LINGO1: variants seen among roughly 807,000 people sequenced by gnomAD.
LINGO1 encodes the protein leucine rich repeat and Ig domain containing 1, also known as leucine-rich repeat and immunoglobulin-like domain-containing nogo receptor-interacting protein 1.
LINGO1 carries 11 observed loss-of-function variants against 37.3 expected under a neutral mutation model. That is an observed-to-expected ratio of 0.29 (90% CI 0.19 to 0.49). The LOEUF (loss-of-function observed/expected upper bound fraction) is 0.49. Ranked by LOEUF, LINGO1 falls within the 20% of genes least tolerant of loss-of-function variation. The pLI, the probability that LINGO1 is intolerant of heterozygous loss-of-function variation, is 0.99. For missense variants in LINGO1, 585 were observed against 878.2 expected, an observed-to-expected ratio of 0.67 and a Z score of 4.22; for synonymous variants, 387 against 403.0, an observed-to-expected ratio of 0.96 and a Z score of 0.48.
At chr15:77,741,105 G>A (rs2076259574) in intron 1 of LINGO1, among the ~76,000 whole-genome samples, 1 of 152,222 alleles carries the variant, frequency 6.6e-6, no homozygotes, top group Non-Finnish European at 1.5e-5. Flanking sequence ...CCAAACCTAG[G>A]CCAGCGGGGG....
At chr15:77,646,578 A>G in intron 3 of LINGO1, 1 of 371,038 alleles carries the variant, frequency 2.7e-6, no homozygotes, top group Non-Finnish European at 5.4e-6. Flanking sequence ...TCCAAGAGGG[A>G]CAGACCAGGG....
chr15:77,666,317 C>T (rs551597736), intron 3 of LINGO1, among the ~76,000 whole-genome samples: 3 of 152,296 alleles, frequency 2.0e-5, no homozygotes, highest in Admixed American at 1.3e-4. Flanking sequence ...TGGTGGAGGA[C>T]CTGTTGTTAG....
At chr15:77,631,264 C>A (rs1259016106) in intron 1 of LINGO1, among the ~76,000 whole-genome samples, 1 of 152,230 alleles carries the variant, frequency 6.6e-6, no homozygotes, top group Non-Finnish European at 1.5e-5. Context: ...GCTGGGCGAG[C>A]AGGAAGGGGC....
intron 1 of LINGO1, among the ~76,000 whole-genome samples, chr15:77,782,054 G>A (rs1398149404): frequency 6.6e-6 from 1 of 152,216 alleles, no homozygotes; most frequent in South Asian, 2.1e-4. Context: ...GGAGGAAAAC[G>A]AGGAGCAGGT....
chr15:77,717,560 C>T (rs2141304593), intron 2 of LINGO1, among the ~76,000 whole-genome samples: 1 of 151,012 alleles, frequency 6.6e-6, no homozygotes, highest in South Asian at 2.1e-4. Context: ...GCACGTTTCC[C>T]TCTTGGCAGA....
At chr15:77,669,611 C>T (rs1261125123) in intron 3 of LINGO1, among the ~76,000 whole-genome samples, 1 of 152,214 alleles carries the variant, frequency 6.6e-6, no homozygotes, top group Admixed American at 6.5e-5. Flanking sequence ...TCCAGGAAGC[C>T]CTCTGGGACT....
intron 1 of LINGO1, chr15:77,820,173 C>T (rs2077086154): frequency 6.6e-6 from 1 of 152,164 alleles, no homozygotes; most frequent in Admixed American, 6.6e-5. Context: ...TAGCTCCGGC[C>T]TGGCGCTAGG....
chr15:77,758,883 T>C (rs2076447106), intron 1 of LINGO1, among the ~76,000 whole-genome samples: 2 of 151,808 alleles, frequency 1.3e-5, no homozygotes. Context: ...AGGAAAATAG[T>C]TGGGTGAGGT....
Position 77,683,921 on chromosome 15 carries a change from C to A in LINGO1, c.-98-6747G>T, listed in dbSNP as rs574998563. The stretch of plus-strand genomic sequence containing the variant: ...AATTCCCTGGCGTGGCACCCTAGGA[C>A]CCTGAGGACACAGCCTCTGGGCAAC... On this transcript the variant is annotated intron_variant, in intron 2 of 3. Transcript: ENST00000559893. Among the ~76,000 whole-genome samples, 31 of 152,302 alleles carry A rather than the reference C, an allele frequency of 2.0e-4. No individual in the cohort carries two copies. In the South Asian group the frequency reaches 3.1e-3, roughly 15 times the overall value.
intron 1 of LINGO1, among the ~76,000 whole-genome samples, chr15:77,743,869 G>C (rs2076288359): frequency 6.6e-6 from 1 of 152,052 alleles, no homozygotes; most frequent in Non-Finnish European, 1.5e-5. Flanking sequence ...GGTGTGAGAG[G>C]CTCCCATGGT....
intron 2 of LINGO1, among the ~76,000 whole-genome samples, chr15:77,731,159 G>A (rs1371334910): frequency 6.6e-6 from 1 of 152,186 alleles, no homozygotes; most frequent in Non-Finnish European, 1.5e-5. Context: ...AGGCTGGGGT[G>A]GGGGCAGAGT....
intron 3 of LINGO1, chr15:77,649,225 G>GA (rs1655708538): frequency 6.6e-6 from 1 of 152,228 alleles, no homozygotes; most frequent in African/African-American, 2.4e-5. Flanking sequence ...ATATAAATGG[G>GA]AATGTTCTAG....
intron 1 of LINGO1, among the ~76,000 whole-genome samples, chr15:77,799,602 C>T (rs976546512): frequency 1.3e-5 from 2 of 152,162 alleles, no homozygotes; most frequent in Admixed American, 6.5e-5. Context: ...CAGCAGCTCC[C>T]GCTTTGTTCA....
At chr15:77,691,545 G>T (rs1190362989) in intron 1 of LINGO1, among the ~76,000 whole-genome samples, 1 of 151,998 alleles carries the variant, frequency 6.6e-6, no homozygotes, top group Non-Finnish European at 1.5e-5. Context: ...ACCCTTGAAG[G>T]GACCTACCTC....
At chr15:77,650,407 T>A (rs1426954291) in intron 3 of LINGO1, among the ~76,000 whole-genome samples, 1 of 152,188 alleles carries the variant, frequency 6.6e-6, no homozygotes, top group African/African-American at 2.4e-5. Flanking sequence ...TCCCTGCTAT[T>A]ATTTTGTGAT....
chr15:77,819,780 G>GGGCCGC (rs1450898814), intron 1 of LINGO1, among the ~76,000 whole-genome samples: 1 of 150,912 alleles, frequency 6.6e-6, no homozygotes, highest in African/African-American at 2.4e-5. Flanking sequence ...CTGCCTGGCC[G>GGGCCGC]GGCCGCGGCC....
At chr15:77,648,101 G>C in intron 3 of LINGO1, 1 of 358,282 alleles carries the variant, frequency 2.8e-6, no homozygotes, top group South Asian at 2.1e-5. Flanking sequence ...ATCAGGTGTG[G>C]ATAGCTGGGG....
Position 77,705,122 on chromosome 15 carries a change from C to T in LINGO1, c.-194-14221G>A, listed in dbSNP as rs113915269. On this transcript the variant is annotated intron_variant, in intron 2 of 3. Transcript: ENST00000561686. The stretch of plus-strand genomic sequence containing the variant: ...TTCCCAGTCCACACCCTCCCCACAC[C>T]TTCCCTCATGCCACTGGCCTCTGCC... 6.1e-3 allele frequency among the ~76,000 whole-genome samples: 907 copies of T among 148,830 alleles called. 16 individuals carry two copies. Among genetic ancestry groups the T allele is most frequent in the African/African-American group, 0.021 (847 of 40,548 alleles).
At chr15:77,713,171 T>C (rs2075939739) in intron 2 of LINGO1, among the ~76,000 whole-genome samples, 1 of 150,782 alleles carries the variant, frequency 6.6e-6, no homozygotes, top group African/African-American at 2.4e-5. Context: ...GCCTCCCAAA[T>C]AGCTGGGATT....
Sources: allele counts gnomAD v4.1 joint callset (sites outside exome capture counted in the v4.1 genomes callset), GRCh38; gene constraint gnomAD v4.1.1; transcripts MANE v1.5; gene names NCBI Gene and HGNC (gene_info 2026-07-23, HGNC 2026-07-21).